The following GNS variants were observed in gnomAD, a reference collection of about 807,000 sequenced individuals.
The protein encoded by GNS is N-acetylglucosamine-6-sulfatase.
In GNS, 40 loss-of-function variants were observed where a neutral mutation model predicts 69.7. The observed-to-expected ratio is 0.57, with a 90% CI of 0.45 to 0.75. The LOEUF (loss-of-function observed/expected upper bound fraction) is 0.75. GNS is among the 30% of genes least tolerant of loss of function. The pLI, the probability that GNS is intolerant of heterozygous loss-of-function variation, is 0.00. For synonymous variants in GNS, 243 were observed against 251.6 expected (o/e 0.97, Z 0.32); for missense variants, 565 against 685.5 (o/e 0.82, Z 1.96).
At chr12:64,727,925 G>A (rs979034613) in intron 10 of GNS, among the ~76,000 whole-genome samples, 4 of 152,054 alleles carry the variant, frequency 2.6e-5, no homozygotes, top group African/African-American at 9.7e-5. Context: ...AAAAAAAAAT[G>A]ATTTATTTAT....
rs142642036 is a variant in GNS, at chr12:64,720,554, T to A, written c.1420-372A>T. Among the ~76,000 whole-genome samples, 9 of 152,330 alleles carry A rather than the reference T, an allele frequency of 5.9e-5. No homozygotes were observed. The East Asian group carries it at 1.7e-3, about 29-fold the overall frequency. On this transcript the variant is annotated intron_variant, in intron 12 of 13. Coordinates refer to ENST00000258145, the MANE Select transcript of GNS (RefSeq NM_002076.4). ...AGGTCTCAGAAACAAGACTTGGCAA[T>A]AAAGTTACTAAAGTGAGAGCGAATA...
intron 9 of GNS, among the ~76,000 whole-genome samples, chr12:64,732,939 G>A (rs1869449955): frequency 6.6e-6 from 1 of 152,098 alleles, no homozygotes. Context: ...CTCAGGTTGA[G>A]AATGTTCTTA....
At chr12:64,740,358 G>A (rs1359850494) in intron 7 of GNS, among the ~76,000 whole-genome samples, 1 of 152,158 alleles carries the variant, frequency 6.6e-6, no homozygotes, top group African/African-American at 2.4e-5. Context: ...CATGGTTCAA[G>A]TTTGCAAGAC....
At chr12:64,733,267 C>CAG (rs1869460960) in intron 9 of GNS, among the ~76,000 whole-genome samples, 1 of 124,702 alleles carries the variant, frequency 8.0e-6, no homozygotes, top group Non-Finnish European at 1.6e-5. Context: ...CACCACACTC[C>CAG]AGCCTAAGTT....
chr12:64,736,419 A>AG (rs1407604604), intron 9 of GNS, among the ~76,000 whole-genome samples: 1 of 152,224 alleles, frequency 6.6e-6, no homozygotes, highest in African/African-American at 2.4e-5. Context: ...ACTCAAAGCA[A>AG]GGTCAGGCCA....
chr12:64,716,986 AT>A (rs1868882045), intron 13 of GNS, among the ~76,000 whole-genome samples, 167 bp from the exon 14 acceptor site: 1 of 152,220 alleles, frequency 6.6e-6, no homozygotes, highest in African/African-American at 2.4e-5. Context: ...AGTTCCGAAC[AT>A]TTCTATCACC....
intron 6 of GNS, among the ~76,000 whole-genome samples, chr12:64,740,989 C>T (rs1411031777): frequency 1.3e-5 from 2 of 152,160 alleles, no homozygotes; most frequent in East Asian, 1.9e-4. Context: ...TGGGAAACTA[C>T]TAGCTAAAGC....
intron 9 of GNS, among the ~76,000 whole-genome samples, chr12:64,731,126 G>A (rs745584503): frequency 3.3e-5 from 5 of 152,164 alleles, no homozygotes; most frequent in Non-Finnish European, 7.3e-5. Context: ...ACCCGAGCTG[G>A]AGTGCAGTGG....
chr12:64,730,702 G>C (rs1415815304), intron 9 of GNS, among the ~76,000 whole-genome samples: 1 of 152,076 alleles, frequency 6.6e-6, no homozygotes, highest in Non-Finnish European at 1.5e-5. Flanking sequence ...TAATTTTCCT[G>C]GTTCGAAGAC....
At chr12:64,748,313 A>G (rs543526954) in intron 2 of GNS, among the ~76,000 whole-genome samples, 1 of 149,184 alleles carries the variant, frequency 6.7e-6, no homozygotes, top group African/African-American at 2.5e-5. Context: ...TGATCCTCCC[A>G]CCTCAGCCTC....
rs1210247666 is a variant in GNS at position 64,732,153 on chromosome 12, A to ATTTTTTTTTTTTTTTTT, written c.1099-3097_1099-3096insAAAAAAAAAAAAAAAAA. ...AGGCACCTGCCACCACACCTGGCTA[A>ATTTTTTTTTTTTTTTTT]TTTTTTTTTTTTGTTGTTTTTTTTT... On this transcript the variant is annotated intron_variant, in intron 9 of 13. Transcript: ENST00000258145. 5.3e-4 allele frequency among the ~76,000 whole-genome samples: 47 copies of ATTTTTTTTTTTTTTTTT among 88,752 alleles called. 11 individuals are homozygous for ATTTTTTTTTTTTTTTTT. Among genetic ancestry groups the ATTTTTTTTTTTTTTTTT allele is most frequent in the Non-Finnish European group, 7.0e-4 (34 of 48,556 alleles). 58.2% of individuals were successfully genotyped at this position (88,752 alleles called of 152,430 possible). A position where few individuals can be genotyped will look rare whatever the true frequency, so the allele number is the denominator to read the frequency against.
At chr12:64,754,896 A>AT (rs1458672536) in intron 1 of GNS, among the ~76,000 whole-genome samples, 1 of 150,854 alleles carries the variant, frequency 6.6e-6, no homozygotes, top group Non-Finnish European at 1.5e-5. Flanking sequence ...TCTCCAAAAA[A>AT]AAAAAAAAGA....
chr12:64,731,302 T>G (rs1394453497), intron 9 of GNS, among the ~76,000 whole-genome samples: 1 of 152,162 alleles, frequency 6.6e-6, no homozygotes, highest in African/African-American at 2.4e-5. Flanking sequence ...GTCTCAAACT[T>G]CTGAATTCAA....
At chr12:64,725,528 C>A (rs1869166744) in intron 10 of GNS, among the ~76,000 whole-genome samples, 1 of 152,210 alleles carries the variant, frequency 6.6e-6, no homozygotes, top group Non-Finnish European at 1.5e-5. Context: ...AATAGCCACA[C>A]ATGGCTAATT....
chr12:64,731,641 G>T (rs1467291825), intron 9 of GNS, among the ~76,000 whole-genome samples: 1 of 152,190 alleles, frequency 6.6e-6, no homozygotes, highest in Non-Finnish European at 1.5e-5. Context: ...TACCAAGTAT[G>T]AATGAAGAGT....
chr12:64,747,903 G>C lies in GNS; in HGVS notation c.268C>G (p.Leu90Val), dbSNP rs762071244. 7.5e-6 allele frequency: 12 copies of C among 1,600,420 alleles called. No homozygotes were observed. The highest frequency in any genetic ancestry group is 1.0e-5 in the Non-Finnish European group (12 of 1,167,584). ...TFSSAYVPSALCCPSRASILT... is the reference protein window; with the variant it reads ...TFSSAYVPSAVCCPSRASILT... The stretch of plus-strand genomic sequence containing the variant: ...ATACTGGCTCTGCTGGGGCAGCAGA[G>C]AGCACTTGGCACATACTACAAAGGA... The change falls in exon 3 of 14, where the codon CTC (leucine) becomes GTC (valine). Residue 90 changes from leucine (L) to valine (V), a missense_variant. Around this residue, in one of 2 missense-constraint regions of GNS, gnomAD observed 181 missense variants for 174.4 expected, o/e 1.04. Coordinates refer to ENST00000258145, the MANE Select transcript of GNS (RefSeq NM_002076.4).
chr12:64,753,119 C>A (rs2014695857), intron 1 of GNS: 1 of 281,162 alleles, frequency 3.6e-6, no homozygotes, highest in African/African-American at 2.2e-5. Flanking sequence ...AGCCTTCCGC[C>A]CTATAGAACA....
intron 9 of GNS, among the ~76,000 whole-genome samples, chr12:64,732,729 G>C (rs916683618): frequency 1.3e-5 from 2 of 151,944 alleles, no homozygotes; most frequent in Admixed American, 1.3e-4. Context: ...CCAAAGTGCT[G>C]GCATTACAGG....
Position 64,729,089 on chromosome 12 carries a change from A to G in GNS, c.1099-32T>C, listed in dbSNP as rs1193404839. On this transcript the variant is annotated intron_variant, in intron 9 of 13. Coordinates refer to ENST00000258145, the MANE Select transcript of GNS (RefSeq NM_002076.4). The stretch of plus-strand genomic sequence containing the variant: ...GAATGAGGGAAAAACAATCTAGAAC[A>G]CAGCTGGTCTCATTTTCCTTTTCTA... 4 of 1,116,484 alleles carry G rather than the reference A, an allele frequency of 3.6e-6. No individual in the cohort carries two copies. In the African/African-American group the frequency reaches 6.1e-5, roughly 17 times the overall value. 69.2% of individuals were successfully genotyped at this position (1,116,484 alleles called of 1,614,324 possible).
Sources: gnomAD v4.1 joint callset for allele counts (sites outside exome capture counted in the v4.1 genomes callset) on GRCh38, gnomAD v4.1.1 for gene constraint, gnomAD v4.1.1 regional missense constraint, MANE v1.5 for transcripts, NCBI Gene and HGNC (gene_info 2026-07-23, HGNC 2026-07-21) for gene names.